Variants in OR5H14 observed in about 807,000 individuals in gnomAD.
The protein encoded by OR5H14 is olfactory receptor family 5 subfamily H member 14, also known as olfactory receptor 5H14.
For synonymous variants in OR5H14, 155 were observed against 130.6 expected (o/e 1.19, Z -1.28); for missense variants, 392 against 363.9 (o/e 1.08, Z -0.63).
Position 98,152,200 on chromosome 3 carries a change from T to A in OR5H14, c.*1882T>A, listed in dbSNP as rs1708518369. On this transcript the variant is annotated 3_prime_UTR_variant, in exon 2 of 2. Transcript: ENST00000641380. ...AATAAGAACTCATTTATCCTGTTGG[T>A]GGGAGTGTAATTAGTTCAACCTTTG... 6.6e-6 allele frequency: 1 copy of A among 152,080 alleles called. No individual in the cohort carries two copies. Among genetic ancestry groups the A allele is most frequent in the Admixed American group, 6.6e-5 (1 of 15,252 alleles). 9.4% of individuals were successfully genotyped at this position (152,080 alleles called of 1,614,324 possible).
chr3:98,155,559 T>TTTTTTCC lies in OR5H14; in HGVS notation c.*5243_*5249dup, dbSNP rs1204238184. On this transcript the variant is annotated 3_prime_UTR_variant, in exon 2 of 2. Coordinates refer to ENST00000641380, the MANE Select transcript of OR5H14 (RefSeq NM_001005514.2). ...CATTGCAAGATTGTCTTTGTTTTTATTTTTTCCTCCCCCTGATGTTTGCCT... is the reference window on the plus strand; with the variant it reads ...CATTGCAAGATTGTCTTTGTTTTTATTTTTTCCTTTTTCCTCCCCCTGATGTTTGCCT... 1 of 152,266 alleles carries TTTTTTCC rather than the reference T, an allele frequency of 6.6e-6. No homozygotes were observed. Among genetic ancestry groups the TTTTTTCC allele is most frequent in the Non-Finnish European group, 1.5e-5 (1 of 68,056 alleles). 9.4% of individuals were successfully genotyped at this position (152,266 alleles called of 1,614,324 possible).
At position 98,150,288 on chromosome 3, in the gene OR5H14, C is replaced by T. The variant is rs1388585473; in HGVS notation, c.903C>T (p.Phe301=). Residue 301 remains phenylalanine, a synonymous_variant, in exon 2 of 2, where the codon TTC becomes TTT. Transcript: ENST00000641380. ...SLRNKQVIAS[F]TKMFKRNDV ...GAAACAAGCAAGTAATAGCTTCATTCACAAAAATGTTCAAAAGAAATGATG... is the reference window on the plus strand; with the variant it reads ...GAAACAAGCAAGTAATAGCTTCATTTACAAAAATGTTCAAAAGAAATGATG... 1 of 1,582,986 alleles carries T rather than the reference C, an allele frequency of 6.3e-7. No individual in the cohort carries two copies. Among genetic ancestry groups the T allele is most frequent in the Non-Finnish European group, 8.6e-7 (1 of 1,167,318 alleles).
chr3:98,148,883 A>G (rs1340966501), intron 1 of OR5H14, among the ~76,000 whole-genome samples: 3 of 152,028 alleles, frequency 2.0e-5, no homozygotes, highest in African/African-American at 7.2e-5. Context: ...CAAGTTTCTA[A>G]TTAGTACTCC....
chr3:98,149,472 G>C lies in OR5H14; in HGVS notation c.87G>C (p.Leu29=). The C allele has an allele frequency of 6.2e-7, 1 of 1,613,408 alleles. No individual in the cohort carries two copies. Among genetic ancestry groups the C allele is most frequent in the Non-Finnish European group, 8.5e-7 (1 of 1,179,542 alleles). ...CACAGTGGAAAATACCCCTGTTCCT[G>C]GCATTCTTGGTAATATATCTCATCA... ...YQPQWKIPLF[L]AFLVIYLITI... The change falls in exon 2 of 2, where the codon CTG becomes CTC. Residue 29 remains leucine, a synonymous_variant. Transcript: ENST00000641380.
In OR5H14 at chr3:98,149,531, T is replaced by A. The variant is rs1708469062; in HGVS notation, c.146T>A (p.Ile49Asn). Residue 49 changes from isoleucine to asparagine, a missense_variant, in exon 2 of 2, where the codon ATC (isoleucine) becomes AAC (asparagine). Physicochemically the swap from Ile to Asn is moderately radical, Grantham distance 149. Coordinates refer to ENST00000641380, the MANE Select transcript of OR5H14 (RefSeq NM_001005514.2). ...IMGNLGLIAV[I>N]WKDPHLHIPM... ...GGGAATCTTGGTCTGATTGCTGTCA[T>A]CTGGAAAGACCCTCATCTTCATATC... 1 of 1,613,440 alleles carries A rather than the reference T, an allele frequency of 6.2e-7. No individual in the cohort carries two copies. Among genetic ancestry groups the A allele is most frequent in the African/African-American group, 1.3e-5 (1 of 74,890 alleles).
At chr3:98,149,294 C>G in intron 1 of OR5H14, 74 bp from the exon 2 acceptor site, 2 of 1,475,918 alleles carry the variant, frequency 1.4e-6, no homozygotes, top group Non-Finnish European at 1.8e-6. Context: ...CACTTTATAT[C>G]AACACCTCTT....
At position 98,154,502 on chromosome 3, in the gene OR5H14, G is replaced by C. The variant is rs1207053594; in HGVS notation, c.*4184G>C. 6.6e-6 allele frequency: 1 copy of C among 152,192 alleles called. No individual in the cohort carries two copies. The highest frequency in any genetic ancestry group is 2.4e-5 in the African/African-American group (1 of 41,460). 9.4% of individuals were successfully genotyped at this position (152,192 alleles called of 1,614,324 possible). ...TGCTCTCAGCCCAGATTTTGACCAA[G>C]GTGTAAAGGTGGTTAAAGAAGGCAG... On this transcript the variant is annotated 3_prime_UTR_variant, in exon 2 of 2. Coordinates refer to ENST00000641380, the MANE Select transcript of OR5H14 (RefSeq NM_001005514.2).
At position 98,156,142 on chromosome 3, in the gene OR5H14, G is replaced by A. The variant is rs1238405538; in HGVS notation, c.*5824G>A. ...ACATTTTTCTAAGACTGGAAATGAA[G>A]CCTCCAAAATGCATCAGTACACAAA... is the stretch of plus-strand genomic sequence containing the variant. On this transcript the variant is annotated 3_prime_UTR_variant, in exon 2 of 2. Coordinates refer to ENST00000641380, the MANE Select transcript of OR5H14 (RefSeq NM_001005514.2). The A allele has an allele frequency of 6.6e-6, 1 of 152,072 alleles. No individual in the cohort carries two copies. Among genetic ancestry groups the A allele is most frequent in the Non-Finnish European group, 1.5e-5 (1 of 67,988 alleles). 9.4% of individuals were successfully genotyped at this position (152,072 alleles called of 1,614,324 possible).
rs986575570 is a variant in OR5H14 at position 98,150,799 on chromosome 3, T to G, written c.*481T>G. The stretch of plus-strand genomic sequence containing the variant: ...TTCATTCCACTTAATTGTAAAAGAG[T>G]GAATTTCACTTCTTGTAGGAAGTCA... On this transcript the variant is annotated 3_prime_UTR_variant, in exon 2 of 2. Transcript: ENST00000641380. The G allele has an allele frequency of 6.6e-6, 1 of 152,396 alleles. No homozygotes were observed. Among genetic ancestry groups the G allele is most frequent in the African/African-American group, 2.4e-5 (1 of 41,428 alleles). 9.4% of individuals were successfully genotyped at this position (152,396 alleles called of 1,614,324 possible). A position where few individuals can be genotyped will look rare whatever the true frequency, so the allele number is the denominator to read the frequency against.
rs1708511047 is a variant in OR5H14 at position 98,151,672 on chromosome 3, A to G, written c.*1354A>G. On this transcript the variant is annotated 3_prime_UTR_variant, in exon 2 of 2. Coordinates refer to ENST00000641380, the MANE Select transcript of OR5H14 (RefSeq NM_001005514.2). ...TATCTATGTATACATACACTTATGT[A>G]TACATGAGAGGAGAGAAAGGCTTTT... 6.6e-6 allele frequency: 1 copy of G among 152,190 alleles called. No individual in the cohort carries two copies. The highest frequency in any genetic ancestry group is 1.5e-5 in the Non-Finnish European group (1 of 68,028). The allele number at this position is 152,190 out of a possible 1,614,324, so 9.4% of individuals were successfully genotyped here.
chr3:98,153,055 T>C lies in OR5H14; in HGVS notation c.*2737T>C, dbSNP rs4569695. 0.61 allele frequency: 93,095 copies of C among 152,042 alleles called. 29,514 individuals carry two copies. The highest frequency in any genetic ancestry group is 0.79 in the African/African-American group (32,765 of 41,474). 9.4% of individuals were successfully genotyped at this position (152,042 alleles called of 1,614,324 possible). ...TGGAACTCATAAGTTACAATTTCTA[T>C]TCTCTTAAAGCAGTGTTTCTTTTAT... is the stretch of plus-strand genomic sequence containing the variant. On this transcript the variant is annotated 3_prime_UTR_variant, in exon 2 of 2. Transcript: ENST00000641380.
chr3:98,147,992 A>G (rs1483660805), intron 1 of OR5H14: 1 of 152,020 alleles, frequency 6.6e-6, no homozygotes, highest in Non-Finnish European at 1.5e-5. Context: ...ACATTTGACA[A>G]TAATTTGACA....
At position 98,149,541 on chromosome 3, in the gene OR5H14, C is replaced by A. The variant is rs1301404275; in HGVS notation, c.156C>A (p.Asp52Glu). 9.3e-6 allele frequency: 15 copies of A among 1,613,382 alleles called. No homozygotes were observed. Among genetic ancestry groups the A allele is most frequent in the African/African-American group, 1.3e-5 (1 of 74,864 alleles). ...GTCTGATTGCTGTCATCTGGAAAGA[C>A]CCTCATCTTCATATCCCAATGTACT... ...NLGLIAVIWK[D>E]PHLHIPMYLL... The change falls in exon 2 of 2, where the codon GAC becomes GAA. Residue 52 changes from aspartate to glutamate, a missense_variant. Asp to Glu is a conservative substitution (Grantham distance 45). Transcript: ENST00000641380.
In OR5H14 at chr3:98,149,939, T is replaced by A; in HGVS notation, c.554T>A (p.Leu185Ter). 1 of 1,613,390 alleles carries A rather than the reference T, an allele frequency of 6.2e-7. No homozygotes were observed. Among genetic ancestry groups the A allele is most frequent in the African/African-American group, 1.3e-5 (1 of 74,890 alleles). Residue 185 changes from leucine to a stop codon, truncating the protein, a stop_gained, in exon 2 of 2, where the codon TTA (leucine) becomes TAA (stop). Transcript: ENST00000641380. LOFTEE classifies it low-confidence loss of function (END_TRUNC). ...QHFYCDIIPL[L>*]KISYTDSSIN... ...TTTTACTGTGACATTATCCCATTGTTAAAGATTTCTTATACTGATTCCTCT... is the reference window on the plus strand; with the variant it reads ...TTTTACTGTGACATTATCCCATTGTAAAAGATTTCTTATACTGATTCCTCT...
At position 98,150,026 on chromosome 3, in the gene OR5H14, T is replaced by C; in HGVS notation, c.641T>C (p.Val214Ala). The C allele has an allele frequency of 6.2e-7, 1 of 1,612,914 alleles. No homozygotes were observed. The stretch of plus-strand genomic sequence containing the variant: ...ATTCAAGTTTTTACCATAGGGACTG[T>C]TCTTATATCTTACATATTTGTCCTC... ...GSIQVFTIGT[V>A]LISYIFVLYT... Residue 214 changes from valine (V) to alanine (A), a missense_variant, in exon 2 of 2, where the codon GTT becomes GCT. By Grantham distance (64) the Val-to-Ala change is moderately conservative. Coordinates refer to ENST00000641380, the MANE Select transcript of OR5H14 (RefSeq NM_001005514.2).
In OR5H14 at chr3:98,150,142, G is replaced by C; in HGVS notation, c.757G>C (p.Gly253Arg). 6.2e-7 allele frequency: 1 copy of C among 1,611,564 alleles called. No homozygotes were observed. Among genetic ancestry groups the C allele is most frequent in the Non-Finnish European group, 8.5e-7 (1 of 1,179,390 alleles). Residue 253 changes from glycine (G) to arginine (R), a missense_variant, in exon 2 of 2, where the codon GGG (glycine) becomes CGG (arginine). Transcript: ENST00000641380. Reference sequence around the variant, plus strand: ...TCTCTTATCTGTATCTTTATACTATGGGCCCCTCGCCTTCATGTATATGGG... The same window carrying C: ...TCTCTTATCTGTATCTTTATACTATCGGCCCCTCGCCTTCATGTATATGGG... ...AHLLSVSLYY[G>R]PLAFMYMGSA...
rs1357870287 is a variant in OR5H14, at chr3:98,156,396, A to G, written c.*6078A>G. On this transcript the variant is annotated 3_prime_UTR_variant, in exon 2 of 2. Coordinates refer to ENST00000641380, the MANE Select transcript of OR5H14 (RefSeq NM_001005514.2). ...AGATTGCTGGGAACAAATGGAACCA[A>G]GAAGAGTGAAGAATCTTTGTATCTC... 2 of 152,162 alleles carry G rather than the reference A, an allele frequency of 1.3e-5. No individual in the cohort carries two copies. The highest frequency in any genetic ancestry group is 2.9e-5 in the Non-Finnish European group (2 of 67,994). The allele number at this position is 152,162 out of a possible 1,614,324, so 9.4% of individuals were successfully genotyped here.
rs116593084 is a variant in OR5H14 at position 98,148,887 on chromosome 3, G to C, written c.-18-481G>C. ...AACCTTAGTAACAAGTTTCTAATTA[G>C]TACTCCTTAGTCCAATTTCCCCATC... On this transcript the variant is annotated intron_variant, in intron 1 of 1. Coordinates refer to ENST00000641380, the MANE Select transcript of OR5H14 (RefSeq NM_001005514.2). Among the ~76,000 whole-genome samples the C allele has an allele frequency of 4.7e-3, 708 of 151,944 alleles. 3 individuals are homozygous for C. The highest frequency in any genetic ancestry group is 0.044 in the Middle Eastern group (13 of 294).
Position 98,150,001 on chromosome 3 carries a change from A to G in OR5H14, c.616A>G (p.Ile206Val), listed in dbSNP as rs1294260620. Residue 206 changes from isoleucine (I) to valine (V), a missense_variant, in exon 2 of 2, where the codon ATT becomes GTT. Transcript: ENST00000641380. ...AATGGTTTTTATTTTTGCAGGTTCA[A>G]TTCAAGTTTTTACCATAGGGACTGT... The part of the protein sequence containing the change: ...FLMVFIFAGS[I>V]QVFTIGTVLI... 2 of 1,612,960 alleles carry G rather than the reference A, an allele frequency of 1.2e-6. No homozygotes were observed. Among genetic ancestry groups the G allele is most frequent in the Non-Finnish European group, 8.5e-7 (1 of 1,179,568 alleles).
Sources: gnomAD v4.1 joint callset for allele counts (sites outside exome capture counted in the v4.1 genomes callset) on GRCh38, gnomAD v4.1.1 for gene constraint, MANE v1.5 for transcripts, NCBI Gene and HGNC (gene_info 2026-07-23, HGNC 2026-07-21) for gene names.